SPTLC2: variants seen among roughly 807,000 people sequenced by gnomAD.
SPTLC2 encodes the protein serine palmitoyltransferase 2.
Under a neutral mutation model 62.0 loss-of-function variants are expected in SPTLC2, and 21 were observed. The ratio of observed to expected loss-of-function variants is 0.34; its 90% CI spans 0.24 to 0.49. SPTLC2 has a LOEUF of 0.49. SPTLC2 is among the 20% of genes least tolerant of loss of function. The probability of loss-of-function intolerance (pLI) is 0.99; values close to 1 mark genes in which losing one functional copy is unlikely to be tolerated. For missense variants in SPTLC2, 511 were observed against 713.0 expected, an observed-to-expected ratio of 0.72 and a Z score of 3.23; for synonymous variants, 261 against 261.8, an observed-to-expected ratio of 1.00 and a Z score of 0.03.
chr14:77,533,544 G>A (rs948328484), intron 9 of SPTLC2, among the ~76,000 whole-genome samples: 1 of 152,118 alleles, frequency 6.6e-6, no homozygotes, highest in Non-Finnish European at 1.5e-5. Flanking sequence ...GAGTGTACAC[G>A]CAAGCAGTTA....
chr14:77,534,810 G>A lies in SPTLC2; in HGVS notation c.1304-13229C>T, dbSNP rs138422325. Reference sequence around the variant, plus strand: ...AGACCCTGGACATTCTGCAGCAAATGAAACAGACAAAACTCCTGCCTTTAT... The same window carrying A: ...AGACCCTGGACATTCTGCAGCAAATAAAACAGACAAAACTCCTGCCTTTAT... On this transcript the variant is annotated intron_variant, in intron 9 of 11. Transcript: ENST00000216484. Among the ~76,000 whole-genome samples, 353 of 152,228 alleles carry A rather than the reference G, an allele frequency of 2.3e-3. 1 individual carries two copies. Among genetic ancestry groups the A allele is most frequent in the African/African-American group, 7.8e-3 (326 of 41,540 alleles).
At position 77,521,573 on chromosome 14, in the gene SPTLC2, A is replaced by G. The variant is rs151141805; in HGVS notation, c.1312T>C (p.Cys438Arg). 5 of 1,613,858 alleles carry G rather than the reference A, an allele frequency of 3.1e-6. No homozygotes were observed. The highest frequency in any genetic ancestry group is 2.2e-5 in the East Asian group (1 of 44,882). Residue 438 changes from cysteine to arginine, a missense_variant, in exon 10 of 12, where the codon TGT becomes CGT. By Grantham distance (180) the Cys-to-Arg change is radical. Transcript: ENST00000216484. ...GQDGTSLGKECVQQLAENTRY... is the reference protein window; with the variant it reads ...GQDGTSLGKERVQQLAENTRY... ...GTGTTTTCAGCTAACTGTTGTACAC[A>G]CTCTTTACCTGGAAAGTCACGGTGA... is the stretch of plus-strand genomic sequence containing the variant.
At chr14:77,548,044 G>A (rs1438716284) in intron 9 of SPTLC2, among the ~76,000 whole-genome samples, 1 of 152,018 alleles carries the variant, frequency 6.6e-6, no homozygotes, top group African/African-American at 2.4e-5. Context: ...GCTCAGGGTA[G>A]TCTTTTTTCT....
chr14:77,582,050 T>TA (rs3216475), intron 2 of SPTLC2, among the ~76,000 whole-genome samples: 49,652 of 149,156 alleles, frequency 0.33, 8,991 homozygotes, highest in Non-Finnish European at 0.41. Flanking sequence ...TTTTTTTAAT[T>TA]AAAAAAAAAA....
chr14:77,574,537 G>C (rs542599604), intron 4 of SPTLC2, among the ~76,000 whole-genome samples: 1 of 152,294 alleles, frequency 6.6e-6, no homozygotes, highest in African/African-American at 2.4e-5. Flanking sequence ...ACAAAAACTT[G>C]TACACCCACG....
chr14:77,556,242 A>G (rs12590866), intron 7 of SPTLC2, among the ~76,000 whole-genome samples: 58,481 of 151,816 alleles, frequency 0.39, 13,280 homozygotes, highest in East Asian at 0.87. Flanking sequence ...AGAACCGGGA[A>G]GCGGAGGTTG....
chr14:77,563,673 G>C (rs1183000620), intron 5 of SPTLC2, among the ~76,000 whole-genome samples: 1 of 152,120 alleles, frequency 6.6e-6, no homozygotes, highest in East Asian at 1.9e-4. Context: ...TGATCCACCC[G>C]CCTCAGCGTC....
intron 2 of SPTLC2, among the ~76,000 whole-genome samples, chr14:77,595,951 A>T (rs1011134998): frequency 1.3e-5 from 2 of 152,180 alleles, no homozygotes; most frequent in Admixed American, 6.5e-5. Flanking sequence ...AGGCATCTTT[A>T]ACCCTCATTT....
intron 1 of SPTLC2, among the ~76,000 whole-genome samples, chr14:77,612,299 T>C (rs1311104029): frequency 6.6e-6 from 1 of 152,232 alleles, no homozygotes; most frequent in Non-Finnish European, 1.5e-5. Context: ...GGGCAAACCC[T>C]AAAAAGTGGG....
intron 2 of SPTLC2, among the ~76,000 whole-genome samples, chr14:77,581,100 C>T (rs1050347486): frequency 4.6e-5 from 7 of 152,142 alleles, no homozygotes; most frequent in African/African-American, 9.7e-5. Context: ...AACAAGAAAA[C>T]GAAACTACAG....
At chr14:77,587,790 A>AATAATAAT (rs1179791623) in intron 2 of SPTLC2, among the ~76,000 whole-genome samples, 1 of 150,082 alleles carries the variant, frequency 6.7e-6, no homozygotes, top group Non-Finnish European at 1.5e-5. Flanking sequence ...TAATAATAAT[A>AATAATAAT]ACTAATGCTG....
rs2079529482 is a variant in SPTLC2 at position 77,546,633 on chromosome 14, G to GAGAA, written c.1303+5462_1303+5463insTTCT. On this transcript the variant is annotated intron_variant, in intron 9 of 11. Transcript: ENST00000216484. ...CTACCACTGGACTGTTTTTTCAAAG[G>GAGAA]CAAAGATCACCTATTGTTCAACTCT... Among the ~76,000 whole-genome samples the GAGAA allele has an allele frequency of 2.6e-5, 4 of 152,226 alleles. No homozygotes were observed. The East Asian group carries it at 7.7e-4, about 29-fold the overall frequency.
rs373948802 is a variant in SPTLC2 at position 77,512,333 on chromosome 14, A to T, written c.1640T>A (p.Leu547Gln). 6.2e-6 allele frequency: 10 copies of T among 1,614,210 alleles called. No individual in the cohort carries two copies. The highest frequency in any genetic ancestry group is 7.6e-6 in the Non-Finnish European group (9 of 1,180,040). The change falls in exon 12 of 12, where the codon CTA becomes CAA. Residue 547 changes from leucine (L) to glutamine (Q), a missense_variant. By Grantham distance (113) the Leu-to-Gln change is moderately radical. Transcript: ENST00000216484. ...LKYSRHRLVP[L>Q]LDRPFDETTY... ...CGTCTCGTCAAAGGGCCTGTCCAGT[A>T]GAGGTACCAACCGATGACGGGAATA...
intron 6 of SPTLC2, among the ~76,000 whole-genome samples, chr14:77,558,477 C>T (rs1213208098): frequency 1.3e-5 from 2 of 152,160 alleles, no homozygotes; most frequent in African/African-American, 4.8e-5. Flanking sequence ...ACACAGAACA[C>T]AAACACAAAT....
chr14:77,519,082 C>T (rs1397929558), intron 10 of SPTLC2, among the ~76,000 whole-genome samples: 1 of 152,178 alleles, frequency 6.6e-6, no homozygotes, highest in Non-Finnish European at 1.5e-5. Context: ...GCTTTGTCGC[C>T]AGGCTGCAGT....
intron 9 of SPTLC2, among the ~76,000 whole-genome samples, chr14:77,529,408 G>A (rs2079425544): frequency 1.3e-5 from 2 of 150,770 alleles, no homozygotes; most frequent in African/African-American, 4.9e-5. Flanking sequence ...ATCTAAAACT[G>A]GAACTTATAT....
intron 2 of SPTLC2, among the ~76,000 whole-genome samples, chr14:77,594,540 C>T (rs1031888559): frequency 6.6e-6 from 1 of 152,206 alleles, no homozygotes; most frequent in Non-Finnish European, 1.5e-5. Context: ...GCAGGAGGAT[C>T]GCTTGAGCAC....
chr14:77,560,873 G>T (rs1433512521), intron 6 of SPTLC2, among the ~76,000 whole-genome samples: 1 of 133,448 alleles, frequency 7.5e-6, no homozygotes, highest in Admixed American at 7.9e-5. Flanking sequence ...TGAGGCAGGG[G>T]AGGTTGAGGA....
chr14:77,580,772 C>G (rs2079745618), intron 2 of SPTLC2, among the ~76,000 whole-genome samples: 1 of 152,154 alleles, frequency 6.6e-6, no homozygotes, highest in Admixed American at 6.6e-5. Context: ...AGTCCCAACA[C>G]TTGGGAGGCT....
Sources: allele counts gnomAD v4.1 joint callset (sites outside exome capture counted in the v4.1 genomes callset), GRCh38; gene constraint gnomAD v4.1.1; transcripts MANE v1.5; gene names NCBI Gene and HGNC (gene_info 2026-07-23, HGNC 2026-07-21).